TRPC4AP: variants seen among roughly 807,000 people sequenced by gnomAD.
TRPC4AP encodes short transient receptor potential channel 4-associated protein.
In TRPC4AP, 45 loss-of-function variants were observed where a neutral mutation model predicts 99.0. The ratio of observed to expected loss-of-function variants is 0.45; its 90% CI spans 0.36 to 0.58. TRPC4AP has a LOEUF of 0.58. TRPC4AP is among the 20% of genes least tolerant of loss of function. The pLI, the probability that TRPC4AP is intolerant of heterozygous loss-of-function variation, is 0.00. For synonymous variants in TRPC4AP, 408 were observed against 385.8 expected, an observed-to-expected ratio of 1.06 and a Z score of -0.67; for missense variants, 879 against 985.3, an observed-to-expected ratio of 0.89 and a Z score of 1.44.
At chr20:35,016,580 A>G (rs1340794743) in intron 9 of TRPC4AP, among the ~76,000 whole-genome samples, 1 of 152,208 alleles carries the variant, frequency 6.6e-6, no homozygotes, top group Non-Finnish European at 1.5e-5. Flanking sequence ...TTCAGCTGAA[A>G]GTAAGATACA....
chr20:35,022,851 T>C (rs921344614), intron 8 of TRPC4AP, among the ~76,000 whole-genome samples: 13 of 151,932 alleles, frequency 8.6e-5, no homozygotes, highest in Admixed American at 5.9e-4. Flanking sequence ...TGAGACCTCA[T>C]TGCTATAAAA....
intron 14 of TRPC4AP, 111 bp from the exon 15 acceptor site, chr20:35,006,686 G>C (rs1469425161): frequency 1.4e-6 from 2 of 1,380,598 alleles, no homozygotes; most frequent in Admixed American, 4.2e-5. Context: ...GGATGGAACT[G>C]GCAACACTGT....
chr20:35,086,431 AT>A (rs2084851161), intron 1 of TRPC4AP, among the ~76,000 whole-genome samples: 1 of 109,470 alleles, frequency 9.1e-6, no homozygotes. Context: ...TGAATGGCAT[AT>A]GTGTGTGTGT....
At chr20:35,055,486 A>G (rs1329032550) in intron 4 of TRPC4AP, among the ~76,000 whole-genome samples, 1 of 152,206 alleles carries the variant, frequency 6.6e-6, no homozygotes, top group Non-Finnish European at 1.5e-5. Context: ...AAGTAGAACT[A>G]CTAGAATCTA....
chr20:35,078,972 AG>A (rs2084554094), intron 1 of TRPC4AP, among the ~76,000 whole-genome samples: 1 of 152,196 alleles, frequency 6.6e-6, no homozygotes, highest in Non-Finnish European at 1.5e-5. Flanking sequence ...AGGCTGAGGC[AG>A]GAGAACCGCT....
At chr20:35,053,947 T>G (rs1426372276) in intron 5 of TRPC4AP, among the ~76,000 whole-genome samples, 1 of 152,238 alleles carries the variant, frequency 6.6e-6, no homozygotes, top group African/African-American at 2.4e-5. Context: ...TTCAAACATA[T>G]TCCCCTATTT....
intron 10 of TRPC4AP, among the ~76,000 whole-genome samples, chr20:35,013,705 CTG>C (rs2082688812): frequency 6.6e-6 from 1 of 152,222 alleles, no homozygotes; most frequent in South Asian, 2.1e-4. Context: ...TACTCAGCAG[CTG>C]TGGGCAGTGT....
intron 1 of TRPC4AP, among the ~76,000 whole-genome samples, chr20:35,084,431 G>A (rs2084743066): frequency 2.0e-5 from 3 of 150,880 alleles, no homozygotes; most frequent in African/African-American, 7.3e-5. Context: ...TTATGCTAAT[G>A]AAAGTCAAAA....
chr20:35,030,258 A>G (rs1202393082), intron 8 of TRPC4AP: 1 of 149,864 alleles, frequency 6.7e-6, no homozygotes, highest in African/African-American at 2.5e-5. Context: ...AAAAAAAAAA[A>G]AAGAAGTTGC....
chr20:35,044,807 T>G, intron 6 of TRPC4AP, 95 bp from the exon 7 acceptor site: 3 of 1,187,700 alleles, frequency 2.5e-6, no homozygotes, highest in African/African-American at 3.0e-5. Flanking sequence ...CGGGGCTTAG[T>G]GGCTAGATCA....
intron 14 of TRPC4AP, 21 bp from the exon 15 acceptor site, chr20:35,006,596 T>A (rs1428544388): frequency 1.2e-6 from 2 of 1,609,512 alleles, no homozygotes; most frequent in Non-Finnish European, 1.7e-6. Flanking sequence ...AGGGACAGGG[T>A]GAAGGTGTCA....
At chr20:35,021,510 A>C (rs2082889421) in intron 8 of TRPC4AP, among the ~76,000 whole-genome samples, 154 bp from the exon 9 acceptor site, 1 of 152,236 alleles carries the variant, frequency 6.6e-6, no homozygotes, top group Non-Finnish European at 1.5e-5. Context: ...CTCCCTCCAC[A>C]ATCCCAGGAG....
intron 10 of TRPC4AP, among the ~76,000 whole-genome samples, chr20:35,014,082 C>G (rs576298471): frequency 6.6e-6 from 1 of 152,330 alleles, no homozygotes; most frequent in East Asian, 1.9e-4. Flanking sequence ...CCCCACTGAC[C>G]TCAAGTGATC....
intron 7 of TRPC4AP, among the ~76,000 whole-genome samples, chr20:35,039,485 A>G (rs1426783313): frequency 6.6e-6 from 1 of 152,244 alleles, no homozygotes; most frequent in Non-Finnish European, 1.5e-5. Flanking sequence ...CAGCTTTATC[A>G]GTAGCTACCA....
At chr20:35,052,907 T>A (rs1442354249) in intron 5 of TRPC4AP, among the ~76,000 whole-genome samples, 1 of 152,228 alleles carries the variant, frequency 6.6e-6, no homozygotes, top group African/African-American at 2.4e-5. Context: ...AAACATTTCC[T>A]GTTTTCTGCC....
At chr20:35,012,532 C>T (rs2082661301) in intron 11 of TRPC4AP, among the ~76,000 whole-genome samples, 1 of 152,234 alleles carries the variant, frequency 6.6e-6, no homozygotes, top group South Asian at 2.1e-4. Context: ...TTTCCTTGTA[C>T]ATTCTCCATC....
In TRPC4AP at chr20:35,057,563, T is replaced by C. The variant is rs2083868440; in HGVS notation, c.423A>G (p.Val141=). The C allele has an allele frequency of 2.5e-6, 4 of 1,609,336 alleles. No homozygotes were observed. In the African/African-American group the frequency reaches 4.0e-5, roughly 16 times the overall value. The change falls in exon 4 of 19, where the codon GTA becomes GTG. Residue 141 remains valine, a synonymous_variant. Transcript: ENST00000252015. ...FDLFGGVDLL[V]EILMRPTISI... ...AGATCGTAGGCCTCATAAGAATTTC[T>C]ACAAGAAGCTATAAAAAAAATTAGA...
intron 3 of TRPC4AP, among the ~76,000 whole-genome samples, chr20:35,059,753 A>G (rs1478393644): frequency 1.4e-5 from 2 of 147,168 alleles, no homozygotes; most frequent in African/African-American, 5.2e-5. Flanking sequence ...GAAGAAGAAG[A>G]AGACGAAGAA....
intron 3 of TRPC4AP, among the ~76,000 whole-genome samples, chr20:35,062,380 T>C (rs1242460969): frequency 6.6e-6 from 1 of 152,224 alleles, no homozygotes; most frequent in African/African-American, 2.4e-5. Context: ...ATGGCAGCAT[T>C]ATTAATCATA....
Sources: allele counts gnomAD v4.1 joint callset (sites outside exome capture counted in the v4.1 genomes callset), GRCh38; gene constraint gnomAD v4.1.1; transcripts MANE v1.5; gene names NCBI Gene and HGNC (gene_info 2026-07-23, HGNC 2026-07-21).